JAM2: variants seen among roughly 807,000 people sequenced by gnomAD.
JAM2 encodes the protein junctional adhesion molecule B.
JAM2 carries 17 observed loss-of-function variants against 42.0 expected under a neutral mutation model. The observed-to-expected ratio is 0.40, with a 90% CI of 0.28 to 0.61. The LOEUF (loss-of-function observed/expected upper bound fraction) is 0.61, where lower values mean the gene tolerates loss of function less well. Among genes scored for constraint, JAM2 ranks in the 20% least tolerant of loss-of-function variants. The pLI is 0.37. For synonymous variants in JAM2, 118 were observed against 128.6 expected (o/e 0.92, Z 0.56); for missense variants, 319 against 358.3 (o/e 0.89, Z 0.89).
At chr21:25,698,919 A>C in intron 5 of JAM2, 40 bp downstream of exon 5, 1 of 1,535,150 alleles carries the variant, frequency 6.5e-7, no homozygotes, top group East Asian at 2.2e-5. Flanking sequence ...ACTGTCTTGC[A>C]TTTGGATAAA....
At chr21:25,700,143 A>G (rs2034135465) in intron 5 of JAM2, among the ~76,000 whole-genome samples, 1 of 152,214 alleles carries the variant, frequency 6.6e-6, no homozygotes, top group African/African-American at 2.4e-5. Flanking sequence ...ATTACATTTA[A>G]AAATAAAAAG....
intron 7 of JAM2, 101 bp downstream of exon 7, chr21:25,706,187 G>C: frequency 1.2e-6 from 1 of 812,628 alleles, no homozygotes; most frequent in Non-Finnish European, 2.1e-6. Context: ...TTGTTTGTTT[G>C]TTTGTTTTTC....
chr21:25,658,681 T>C (rs2033002699), intron 1 of JAM2, among the ~76,000 whole-genome samples: 1 of 152,182 alleles, frequency 6.6e-6, no homozygotes, highest in Non-Finnish European at 1.5e-5. Context: ...GGGTGAATTG[T>C]TGGGTAACCT....
Position 25,639,898 on chromosome 21 carries a change from T to C in JAM2, c.67+10T>C. On this transcript the variant is annotated intron_variant, in intron 1 of 9. Transcript: ENST00000480456. ...GTGGTCGCCCTGGGCTGTAAGTTGCTCGGGTTCCTCTACCCTTCCTGCCTG... is the reference window on the plus strand; with the variant it reads ...GTGGTCGCCCTGGGCTGTAAGTTGCCCGGGTTCCTCTACCCTTCCTGCCTG... 1 of 1,577,698 alleles carries C rather than the reference T, an allele frequency of 6.3e-7. No individual in the cohort carries two copies. The highest frequency in any genetic ancestry group is 8.6e-7 in the Non-Finnish European group (1 of 1,159,954).
intron 1 of JAM2, among the ~76,000 whole-genome samples, chr21:25,647,645 C>G (rs528737116): frequency 1.1e-4 from 16 of 152,146 alleles, no homozygotes; most frequent in African/African-American, 3.4e-4. Context: ...ATTAGTAAAA[C>G]AAAGGGAAAT....
chr21:25,701,689 C>T (rs1601058238), intron 5 of JAM2, among the ~76,000 whole-genome samples: 1 of 152,196 alleles, frequency 6.6e-6, no homozygotes, highest in African/African-American at 2.4e-5. Flanking sequence ...TTCCTAGGCC[C>T]TAAGCTACTT....
chr21:25,709,375 G>T, intron 7 of JAM2, 59 bp from the exon 8 acceptor site: 1 of 854,790 alleles, frequency 1.2e-6, no homozygotes, highest in South Asian at 2.3e-5. Context: ...ATTTTTATAT[G>T]AATCTGTATC....
intron 1 of JAM2, among the ~76,000 whole-genome samples, chr21:25,670,208 G>T (rs182207031): frequency 6.6e-6 from 1 of 151,918 alleles, no homozygotes; most frequent in East Asian, 1.9e-4. Flanking sequence ...CCTTGGCTGC[G>T]CATGGTGGCT....
Position 25,657,210 on chromosome 21 carries a change from C to T in JAM2, c.67+17322C>T, listed in dbSNP as rs150467931. On this transcript the variant is annotated intron_variant, in intron 1 of 9. Coordinates refer to ENST00000480456, the MANE Select transcript of JAM2 (RefSeq NM_021219.4). ...TTATTTTTTTGTAGAGATGAGTTCT[C>T]ACTATGTTGTCCAGGTTGGTCTTGA... is the stretch of plus-strand genomic sequence containing the variant. 3.6e-4 allele frequency among the ~76,000 whole-genome samples: 55 copies of T among 152,172 alleles called. 1 individual carries two copies. The highest frequency in any genetic ancestry group is 1.3e-3 in the African/African-American group (54 of 41,522).
intron 2 of JAM2, among the ~76,000 whole-genome samples, chr21:25,684,595 T>C (rs964038520): frequency 6.6e-6 from 1 of 152,112 alleles, no homozygotes; most frequent in African/African-American, 2.4e-5. Flanking sequence ...GTTGTTGTTG[T>C]TGTTTTGTTT....
intron 5 of JAM2, among the ~76,000 whole-genome samples, chr21:25,701,400 CCTCTCTCCCTCCCTCTCTTCCTTCCTTT>C (rs1423809712): frequency 1.3e-5 from 2 of 151,554 alleles, no homozygotes; most frequent in Non-Finnish European, 2.9e-5. Context: ...TTCCTTTCTC[CCTCTCTCCCTCCCTCTCTTCCTTCCTTT>C]CTCCCTCCCT....
chr21:25,671,650 C>T (rs777610722), intron 1 of JAM2, among the ~76,000 whole-genome samples: 11 of 152,172 alleles, frequency 7.2e-5, no homozygotes, highest in African/African-American at 2.4e-4. Flanking sequence ...GGACTACAGG[C>T]GTGCACCACC....
chr21:25,698,041 G>A (rs2123397757), intron 4 of JAM2, among the ~76,000 whole-genome samples: 3 of 151,998 alleles, frequency 2.0e-5, no homozygotes, highest in Admixed American at 2.0e-4. Flanking sequence ...TTAAATATAA[G>A]TGGTAATAAA....
At chr21:25,687,372 A>C (rs560733350) in intron 2 of JAM2, among the ~76,000 whole-genome samples, 1 of 152,310 alleles carries the variant, frequency 6.6e-6, no homozygotes, top group Admixed American at 6.5e-5. Context: ...TCACATACGG[A>C]GTATATGGTA....
chr21:25,674,358 A>AC (rs1244064967), intron 1 of JAM2, among the ~76,000 whole-genome samples: 1 of 152,124 alleles, frequency 6.6e-6, no homozygotes, highest in African/African-American at 2.4e-5. Flanking sequence ...TCGTGCTACT[A>AC]CACTCTACCC....
At chr21:25,674,673 A>G (rs78864128) in intron 1 of JAM2, among the ~76,000 whole-genome samples, 3,040 of 151,912 alleles carry the variant, frequency 0.02, 105 homozygotes, top group African/African-American at 0.07. Flanking sequence ...CCTTTCTCTG[A>G]AAATAGGATA....
chr21:25,688,207 A>T lies in JAM2; in HGVS notation c.134-1659A>T, dbSNP rs113634237. 1.5e-3 allele frequency among the ~76,000 whole-genome samples: 224 copies of T among 152,046 alleles called. 1 individual carries two copies. Among genetic ancestry groups the T allele is most frequent in the African/African-American group, 5.0e-3 (206 of 41,510 alleles). ...TTTCATAGAGGTTTTTCCACAGCGCAATAAGGACAGAAATTAGGAAGAATT... is the reference window on the plus strand; with the variant it reads ...TTTCATAGAGGTTTTTCCACAGCGCTATAAGGACAGAAATTAGGAAGAATT... On this transcript the variant is annotated intron_variant, in intron 2 of 9. Coordinates refer to ENST00000480456, the MANE Select transcript of JAM2 (RefSeq NM_021219.4).
At chr21:25,659,254 CTTT>C (rs11345118) in intron 1 of JAM2, among the ~76,000 whole-genome samples, 8 of 144,224 alleles carry the variant, frequency 5.5e-5, no homozygotes, top group Admixed American at 2.1e-4. Context: ...ATTTTCTAGC[CTTT>C]TTTTTTTTTT....
At chr21:25,653,110 T>C (rs752421096) in intron 1 of JAM2, among the ~76,000 whole-genome samples, 68 of 152,178 alleles carry the variant, frequency 4.5e-4, no homozygotes, top group Non-Finnish European at 6.0e-4. Flanking sequence ...TATGTGCCCA[T>C]TGGTCAAAGC....
Sources: gnomAD v4.1 joint callset for allele counts (sites outside exome capture counted in the v4.1 genomes callset) on GRCh38, gnomAD v4.1.1 for gene constraint, MANE v1.5 for transcripts, NCBI Gene and HGNC (gene_info 2026-07-23, HGNC 2026-07-21) for gene names.